The following L2HGDH variants were observed in gnomAD, a reference collection of about 807,000 sequenced individuals.
The protein encoded by L2HGDH is L-2-hydroxyglutarate dehydrogenase, mitochondrial.
Under a neutral mutation model 51.5 loss-of-function variants are expected in L2HGDH, and 34 were observed. The observed-to-expected ratio is 0.66, with a 90% confidence interval of 0.50 to 0.88. The LOEUF (loss-of-function observed/expected upper bound fraction) is 0.88, where lower values mean the gene tolerates loss of function less well. Ranked by LOEUF, L2HGDH falls within the 40% of genes least tolerant of loss-of-function variation. L2HGDH has a pLI of 0.00. For synonymous variants in L2HGDH, 198 were observed against 197.9 expected, an observed-to-expected ratio of 1.00 and a Z score of -0.01; for missense variants, 558 against 571.9, an observed-to-expected ratio of 0.98 and a Z score of 0.25.
chr14:50,286,710 T>C (rs1365304956), intron 4 of L2HGDH, among the ~76,000 whole-genome samples: 1 of 152,224 alleles, frequency 6.6e-6, no homozygotes, highest in Non-Finnish European at 1.5e-5. Flanking sequence ...AAAGTATATA[T>C]CACTTCTGTG....
intron 1 of L2HGDH, among the ~76,000 whole-genome samples, chr14:50,311,600 A>G (rs2031191969): frequency 6.6e-6 from 1 of 152,204 alleles, no homozygotes; most frequent in Non-Finnish European, 1.5e-5. Flanking sequence ...AGATCTTCCA[A>G]GCAACGCCAA....
At chr14:50,293,826 T>C (rs2029882247) in intron 4 of L2HGDH, among the ~76,000 whole-genome samples, 2 of 152,174 alleles carry the variant, frequency 1.3e-5, no homozygotes, top group African/African-American at 2.4e-5. Context: ...TTTCCCTACA[T>C]ACCCAATGCT....
intron 9 of L2HGDH, among the ~76,000 whole-genome samples, chr14:50,254,391 G>A (rs1313746716): frequency 6.6e-6 from 1 of 151,916 alleles, no homozygotes; most frequent in African/African-American, 2.4e-5. Context: ...CAAAAAGAAG[G>A]GACGGAACTG....
Position 50,244,818 on chromosome 14 carries a change from T to A in L2HGDH, c.*2240A>T, listed in dbSNP as rs1372224368. 6 of 985,286 alleles carry A rather than the reference T, an allele frequency of 6.1e-6. No homozygotes were observed. 61.0% of individuals were successfully genotyped at this position (985,286 alleles called of 1,614,324 possible). On this transcript the variant is annotated 3_prime_UTR_variant, in exon 10 of 10. Transcript: ENST00000267436. ...CCAAAATGCACATCCTTCTCACCCA[T>A]CCATCATACAGCTTTGGAGAGCTAA...
chr14:50,286,674 C>G (rs962121505), intron 4 of L2HGDH, among the ~76,000 whole-genome samples: 1 of 152,174 alleles, frequency 6.6e-6, no homozygotes, highest in Admixed American at 6.5e-5. Flanking sequence ...ATATGAAACA[C>G]TAATGATTAC....
intron 6 of L2HGDH, among the ~76,000 whole-genome samples, chr14:50,275,482 T>C (rs1027948817): frequency 6.6e-6 from 1 of 152,252 alleles, no homozygotes. Flanking sequence ...TGTGAACTTA[T>C]GAGATGTCTT....
intron 6 of L2HGDH, among the ~76,000 whole-genome samples, chr14:50,273,887 C>T (rs11849020): frequency 0.58 from 87,901 of 151,834 alleles, 25,490 homozygotes; most frequent in East Asian, 0.66. Flanking sequence ...AAAACCAGCC[C>T]GACCAACATG....
At chr14:50,299,274 G>T (rs1234783930) in intron 3 of L2HGDH, among the ~76,000 whole-genome samples, 3 of 152,104 alleles carry the variant, frequency 2.0e-5, no homozygotes, top group Admixed American at 2.0e-4. Flanking sequence ...ATTGAACCAT[G>T]AAGAAATCCA....
chr14:50,261,565 T>G (rs1889024850), intron 9 of L2HGDH, among the ~76,000 whole-genome samples: 1 of 152,116 alleles, frequency 6.6e-6, no homozygotes, highest in Non-Finnish European at 1.5e-5. Flanking sequence ...TAACTGTAGC[T>G]TCAGCATCCT....
At position 50,267,887 on chromosome 14, in the gene L2HGDH, G is replaced by T. The variant is rs1889436028; in HGVS notation, c.930C>A (p.Phe310Leu). Reference sequence around the variant, plus strand: ...TCCTTGGTGTGAAGTGAACTCCTAGGAAAGGAAACCGGCTATCTGGGACCT... The same window carrying T: ...TCCTTGGTGTGAAGTGAACTCCTAGTAAAGGAAACCGGCTATCTGGGACCT... ...IYPVPDSRFP[F>L]LGVHFTPRMD... The change falls in exon 8 of 10, where the codon TTC becomes TTA. Residue 310 changes from phenylalanine to leucine, a missense_variant. Around this residue, in one of 3 missense-constraint regions of L2HGDH, gnomAD observed 321 missense variants for 311.8 expected, o/e 1.03. Coordinates refer to ENST00000267436, the MANE Select transcript of L2HGDH (RefSeq NM_024884.3). 1.2e-6 allele frequency: 2 copies of T among 1,614,060 alleles called. No individual in the cohort carries two copies. The highest frequency in any genetic ancestry group is 1.7e-6 in the Non-Finnish European group (2 of 1,179,968).
At chr14:50,260,973 C>T (rs1409324060) in intron 9 of L2HGDH, among the ~76,000 whole-genome samples, 8 of 151,974 alleles carry the variant, frequency 5.3e-5, no homozygotes, top group Non-Finnish European at 8.8e-5. Context: ...AAAAATTAGC[C>T]GGGTGTGGTG....
chr14:50,278,482 A>C, intron 6 of L2HGDH, 38 bp downstream of exon 6: 2 of 1,370,136 alleles, frequency 1.5e-6, no homozygotes, highest in Non-Finnish European at 2.1e-6. Flanking sequence ...AAGGGGAGGG[A>C]AAGAAAGTAG....
chr14:50,271,263 A>G (rs951429517), intron 6 of L2HGDH, among the ~76,000 whole-genome samples: 2 of 152,220 alleles, frequency 1.3e-5, no homozygotes, highest in Admixed American at 1.3e-4. Flanking sequence ...TACACAAAAG[A>G]TTGGCAGTTC....
intron 8 of L2HGDH, among the ~76,000 whole-genome samples, chr14:50,267,267 CT>C (rs781777632): frequency 1.7e-4 from 26 of 151,962 alleles, no homozygotes; most frequent in East Asian, 1.5e-3. Flanking sequence ...ACTGCAAGCT[CT>C]GCCTCCCGGG....
chr14:50,273,089 C>T (rs1889790895), intron 6 of L2HGDH, among the ~76,000 whole-genome samples: 1 of 152,174 alleles, frequency 6.6e-6, no homozygotes, highest in South Asian at 2.1e-4. Flanking sequence ...TGGATCTACA[C>T]TGTTTCATGT....
chr14:50,252,814 T>C (rs779253579), intron 9 of L2HGDH, among the ~76,000 whole-genome samples: 19 of 152,024 alleles, frequency 1.2e-4, no homozygotes, highest in Non-Finnish European at 2.8e-4. Context: ...GCTAAAGAGA[T>C]AGACCCCAAT....
intron 5 of L2HGDH, among the ~76,000 whole-genome samples, chr14:50,282,146 C>T (rs934933499): frequency 1.3e-5 from 2 of 152,158 alleles, no homozygotes; most frequent in Non-Finnish European, 2.9e-5. Context: ...AGCCTAGAGA[C>T]ATTTTTAATT....
chr14:50,296,656 A>G (rs2030077933), intron 3 of L2HGDH, among the ~76,000 whole-genome samples: 1 of 151,738 alleles, frequency 6.6e-6, no homozygotes, highest in African/African-American at 2.4e-5. Context: ...GATGTTAAAA[A>G]AAAAAGTAAT....
intron 2 of L2HGDH, among the ~76,000 whole-genome samples, 178 bp from the exon 3 acceptor site, chr14:50,302,346 C>T (rs2030461025): frequency 6.6e-6 from 1 of 152,210 alleles, no homozygotes; most frequent in Non-Finnish European, 1.5e-5. Context: ...TCACATCCCT[C>T]CAGCCCATCT....
Sources: gnomAD v4.1 joint callset for allele counts (sites outside exome capture counted in the v4.1 genomes callset) on GRCh38, gnomAD v4.1.1 for gene constraint, gnomAD v4.1.1 regional missense constraint, MANE v1.5 for transcripts, NCBI Gene and HGNC (gene_info 2026-07-23, HGNC 2026-07-21) for gene names.